Variants in MYO10 observed in about 807,000 individuals in gnomAD.
MYO10 encodes the protein myosin X.
In MYO10, 133 loss-of-function variants were observed where a neutral mutation model predicts 257.3. The ratio of observed to expected loss-of-function variants is 0.52; its 90% CI spans 0.45 to 0.60. The LOEUF (loss-of-function observed/expected upper bound fraction) is 0.60. Ranked by LOEUF, MYO10 falls within the 20% of genes least tolerant of loss-of-function variation. MYO10 has a pLI of 0.00. For missense variants in MYO10, 2,399 were observed against 2,635.7 expected (o/e 0.91, Z 1.97); for synonymous variants, 1,104 against 1,028.6 (o/e 1.07, Z -1.40).
rs112104147 is a variant in MYO10 at position 16,700,877 on chromosome 5, G to A, written c.3432+86C>T. ...TGCAATCTTTGCACAGATATCCTAC[G>A]GGTATCTTCATTCAACTTGAGGATG... On this transcript the variant is annotated intron_variant, in intron 25 of 40. Coordinates refer to ENST00000513610, the MANE Select transcript of MYO10 (RefSeq NM_012334.3). 6.7e-4 allele frequency: 935 copies of A among 1,386,738 alleles called. No homozygotes were observed. In the African/African-American group the frequency reaches 7.2e-3, roughly 11 times the overall value. 85.9% of individuals were successfully genotyped at this position (1,386,738 alleles called of 1,614,324 possible).
chr5:16,708,508 C>T (rs564960819), intron 21 of MYO10, among the ~76,000 whole-genome samples: 2 of 152,272 alleles, frequency 1.3e-5, no homozygotes, highest in South Asian at 2.1e-4. Flanking sequence ...TTTTAATGAT[C>T]TCTAATGTTA....
chr5:16,703,580 G>A (rs1009015494), intron 22 of MYO10, among the ~76,000 whole-genome samples: 1 of 152,162 alleles, frequency 6.6e-6, no homozygotes, highest in Non-Finnish European at 1.5e-5. Flanking sequence ...AAACGCACAT[G>A]AGGAGAAGTT....
At chr5:16,912,849 C>CACACACACACACACA (rs57618587) in intron 1 of MYO10, among the ~76,000 whole-genome samples, 2 of 148,518 alleles carry the variant, frequency 1.3e-5, no homozygotes, top group African/African-American at 2.5e-5. Flanking sequence ...CACACACACA[C>CACACACACACACACA]CATGGTACCT....
At chr5:16,782,595 G>C (rs1470946988) in intron 5 of MYO10, among the ~76,000 whole-genome samples, 1 of 152,122 alleles carries the variant, frequency 6.6e-6, no homozygotes, top group Non-Finnish European at 1.5e-5. Context: ...GATTTTAAAT[G>C]GTGTGTTTAC....
chr5:16,788,925 C>T lies in MYO10; in HGVS notation c.468-5456G>A, dbSNP rs1174205797. On this transcript the variant is annotated intron_variant, in intron 4 of 40. Coordinates refer to ENST00000513610, the MANE Select transcript of MYO10 (RefSeq NM_012334.3). ...TCAACAATCCAGTTGAGAGAGAGGT[C>T]AAAGAATCCAGGGCAAGGAGGCTCA... 2.6e-5 allele frequency among the ~76,000 whole-genome samples: 4 copies of T among 152,014 alleles called. No individual in the cohort carries two copies. The East Asian group carries it at 5.8e-4, about 22-fold the overall frequency.
At chr5:16,782,286 C>CT (rs2126670191) in intron 5 of MYO10, among the ~76,000 whole-genome samples, 1 of 152,228 alleles carries the variant, frequency 6.6e-6, no homozygotes, top group African/African-American at 2.4e-5. Context: ...GGCCGGCAAA[C>CT]TTTTTCTGGA....
At chr5:16,696,666 G>A (rs1403263621) in intron 26 of MYO10, among the ~76,000 whole-genome samples, 1 of 151,946 alleles carries the variant, frequency 6.6e-6, no homozygotes, top group Non-Finnish European at 1.5e-5. Context: ...GACCAGCCTG[G>A]CCAACATGGT....
intron 3 of MYO10, among the ~76,000 whole-genome samples, chr5:16,807,898 T>G (rs1036474120): frequency 4.1e-4 from 62 of 152,302 alleles, no homozygotes; most frequent in Middle Eastern, 3.4e-3. Context: ...TGTTCATCGT[T>G]TGCCTGTGTC....
Position 16,701,913 on chromosome 5 carries a change from G to C in MYO10, c.2557-75C>G. The stretch of plus-strand genomic sequence containing the variant: ...AAGCATAGCTCCCGCTTTGCAACCA[G>C]GATGAAATATGGTCATTATGAGTTG... On this transcript the variant is annotated intron_variant, in intron 24 of 40. Coordinates refer to ENST00000513610, the MANE Select transcript of MYO10 (RefSeq NM_012334.3). The surrounding 1 kb of genome is among the most constrained non-coding windows in gnomAD (Gnocchi z 8.1). The C allele has an allele frequency of 6.7e-7, 1 of 1,483,920 alleles. No individual in the cohort carries two copies. The highest frequency in any genetic ancestry group is 9.0e-7 in the Non-Finnish European group (1 of 1,111,262). 91.9% of individuals were successfully genotyped at this position (1,483,920 alleles called of 1,614,324 possible).
At chr5:16,749,348 G>A (rs1049702005) in intron 19 of MYO10, among the ~76,000 whole-genome samples, 17 of 152,134 alleles carry the variant, frequency 1.1e-4, no homozygotes, top group African/African-American at 4.1e-4. Flanking sequence ...TCAGCTGGGC[G>A]TGGTTGCACA....
chr5:16,685,197 C>A (rs1036707197), intron 29 of MYO10, among the ~76,000 whole-genome samples: 1 of 152,130 alleles, frequency 6.6e-6, no homozygotes, highest in South Asian at 2.1e-4. Context: ...TTACTACTTA[C>A]AACCTTCTGT....
intron 29 of MYO10, among the ~76,000 whole-genome samples, chr5:16,684,585 CCTT>C (rs775818286): frequency 3.9e-5 from 6 of 152,230 alleles, no homozygotes; most frequent in Middle Eastern, 3.2e-3. Flanking sequence ...GTGTTTATGA[CCTT>C]CTTTCAATAG....
intron 9 of MYO10, among the ~76,000 whole-genome samples, chr5:16,773,905 C>T (rs569831048): frequency 1.3e-5 from 2 of 152,184 alleles, no homozygotes; most frequent in African/African-American, 2.4e-5. Context: ...TTGTGATAAG[C>T]GGCAACTGCA....
rs78195892 is a variant in MYO10, at chr5:16,840,494, T to C, written c.121-22327A>G. 6.6e-4 allele frequency among the ~76,000 whole-genome samples: 101 copies of C among 152,066 alleles called. No individual in the cohort carries two copies. In the East Asian group the frequency reaches 0.019, roughly 29 times the overall value. Reference sequence around the variant, plus strand: ...AGCATACCTGTCCTGTGAAATCCTTTGCACATGTCACTAGCAAAACACGAT... The same window carrying C: ...AGCATACCTGTCCTGTGAAATCCTTCGCACATGTCACTAGCAAAACACGAT... On this transcript the variant is annotated intron_variant, in intron 2 of 40. Coordinates refer to ENST00000513610, the MANE Select transcript of MYO10 (RefSeq NM_012334.3).
Position 16,829,889 on chromosome 5 carries a change from ACACACACACACACG to A in MYO10, c.121-11736_121-11723del, listed in dbSNP as rs374255478. ...CTCAGTTGGAAGGAACGGCTAATAC[ACACACACACACACG>A]CACACGCACACGCACACAAGAATAT... On this transcript the variant is annotated intron_variant, in intron 2 of 40. Coordinates refer to ENST00000513610, the MANE Select transcript of MYO10 (RefSeq NM_012334.3). 3.9e-3 allele frequency among the ~76,000 whole-genome samples: 532 copies of A among 136,802 alleles called. 6 individuals carry two copies. Among genetic ancestry groups the A allele is most frequent in the African/African-American group, 0.018 (500 of 27,608 alleles). The allele number at this position is 136,802 out of a possible 152,430, so 89.7% of individuals were successfully genotyped here. A position where few individuals can be genotyped will look rare whatever the true frequency, so the allele number is the denominator to read the frequency against.
chr5:16,679,707 T>C (rs1041779590), intron 33 of MYO10, among the ~76,000 whole-genome samples: 3 of 151,996 alleles, frequency 2.0e-5, no homozygotes, highest in Admixed American at 1.3e-4. Flanking sequence ...GTATTTTTAG[T>C]AGAGATACGG....
intron 19 of MYO10, among the ~76,000 whole-genome samples, chr5:16,715,749 TA>T (rs965230999): frequency 3.3e-5 from 5 of 152,050 alleles, no homozygotes; most frequent in Non-Finnish European, 7.4e-5. Flanking sequence ...AAAAAGCTGT[TA>T]AAAAAATTTT....
intron 19 of MYO10, among the ~76,000 whole-genome samples, chr5:16,748,490 G>GTC (rs1740279291): frequency 6.8e-6 from 1 of 147,714 alleles, no homozygotes; most frequent in Non-Finnish European, 1.5e-5. Flanking sequence ...AGTGATCCGC[G>GTC]CCCCCCCGCC....
chr5:16,873,611 C>T (rs930733864), intron 2 of MYO10, among the ~76,000 whole-genome samples: 1 of 152,240 alleles, frequency 6.6e-6, no homozygotes, highest in South Asian at 2.1e-4. Flanking sequence ...AGGGCCCCAC[C>T]CCTGCAGCAA....
Sources: allele counts gnomAD v4.1 joint callset (sites outside exome capture counted in the v4.1 genomes callset), GRCh38; gene constraint gnomAD v4.1.1; non-coding constraint Gnocchi (gnomAD v3.1); transcripts MANE v1.5; gene names NCBI Gene and HGNC (gene_info 2026-07-23, HGNC 2026-07-21).